The following GPC6 variants were observed in gnomAD, a reference collection of about 807,000 sequenced individuals.
GPC6 encodes the protein glypican-6.
A neutral mutation model predicts 55.2 loss-of-function variants in GPC6; 14 were observed. The ratio of observed to expected loss-of-function variants is 0.25; its 90% CI spans 0.17 to 0.40. The LOEUF (loss-of-function observed/expected upper bound fraction) is 0.40. Among genes scored for constraint, GPC6 ranks in the 10% least tolerant of loss-of-function variants. GPC6 has a pLI of 1.00. For synonymous variants in GPC6, 278 were observed against 259.6 expected, an observed-to-expected ratio of 1.07 and a Z score of -0.68; for missense variants, 641 against 708.5, an observed-to-expected ratio of 0.90 and a Z score of 1.08.
At chr13:93,936,574 T>C (rs2140359059) in intron 3 of GPC6, among the ~76,000 whole-genome samples, 1 of 152,300 alleles carries the variant, frequency 6.6e-6, no homozygotes, top group East Asian at 1.9e-4. Context: ...AGCAGTTTTA[T>C]GAAATTTTAA....
chr13:93,443,855 GT>G (rs1278766770), intron 1 of GPC6, among the ~76,000 whole-genome samples: 2 of 146,616 alleles, frequency 1.4e-5, no homozygotes, highest in African/African-American at 5.0e-5. Context: ...TATCTGTGAT[GT>G]TTGATCAAGG....
intron 1 of GPC6, among the ~76,000 whole-genome samples, chr13:93,505,712 G>T (rs1880687856): frequency 6.6e-6 from 1 of 152,116 alleles, no homozygotes; most frequent in Non-Finnish European, 1.5e-5. Context: ...ACCATGAAAG[G>T]GGCACTTGTT....
At chr13:94,348,251 A>G (rs143315924) in intron 6 of GPC6, among the ~76,000 whole-genome samples, 335 of 152,324 alleles carry the variant, frequency 2.2e-3, no homozygotes, top group Non-Finnish European at 4.1e-3. Flanking sequence ...GTCACAGTAT[A>G]TGGCATTGAC....
intron 1 of GPC6, among the ~76,000 whole-genome samples, chr13:93,287,091 C>T (rs901793954): frequency 3.9e-5 from 6 of 152,034 alleles, no homozygotes; most frequent in Admixed American, 2.6e-4. Flanking sequence ...CATGTTTAAA[C>T]TTGGGTCTGA....
intron 4 of GPC6, among the ~76,000 whole-genome samples, chr13:94,067,577 T>TA (rs1566360462): frequency 3.8e-5 from 5 of 130,324 alleles, no homozygotes; most frequent in African/African-American, 1.5e-4. Flanking sequence ...GATAGATAGA[T>TA]TATAGATAGA....
intron 8 of GPC6, among the ~76,000 whole-genome samples, chr13:94,399,911 A>T (rs986533697): frequency 6.6e-6 from 1 of 152,134 alleles, no homozygotes; most frequent in Non-Finnish European, 1.5e-5. Flanking sequence ...CTCTCATTTT[A>T]TCCATTGTCT....
intron 4 of GPC6, among the ~76,000 whole-genome samples, chr13:94,185,259 A>G (rs914168290): frequency 3.3e-4 from 44 of 134,934 alleles, no homozygotes; most frequent in Admixed American, 9.0e-4. Context: ...ATAAAAGTTG[A>G]AAAAAAAAAA....
chr13:93,309,838 T>A (rs576873740), intron 1 of GPC6, among the ~76,000 whole-genome samples: 2 of 152,344 alleles, frequency 1.3e-5, no homozygotes, highest in South Asian at 4.1e-4. Context: ...TAAATTCCAA[T>A]GTAAATCAGT....
At chr13:93,612,091 G>A (rs1192982165) in intron 2 of GPC6, among the ~76,000 whole-genome samples, 1 of 152,204 alleles carries the variant, frequency 6.6e-6, no homozygotes, top group African/African-American at 2.4e-5. Flanking sequence ...CACGTTTATT[G>A]TAATTACATG....
intron 4 of GPC6, among the ~76,000 whole-genome samples, chr13:94,045,077 A>G (rs1283891168): frequency 1.3e-5 from 2 of 151,866 alleles, no homozygotes; most frequent in Admixed American, 6.6e-5. Flanking sequence ...ATTTTTTAAT[A>G]TTAGGGAAAC....
intron 4 of GPC6, among the ~76,000 whole-genome samples, chr13:94,278,864 C>G (rs769339513): frequency 1.3e-5 from 2 of 152,060 alleles, no homozygotes; most frequent in African/African-American, 4.8e-5. Context: ...ATTTTCACAT[C>G]GATGTTCATC....
chr13:93,281,781 A>T (rs1877959870), intron 1 of GPC6, among the ~76,000 whole-genome samples: 1 of 152,128 alleles, frequency 6.6e-6, no homozygotes, highest in African/African-American at 2.4e-5. Flanking sequence ...ATGCCAGTGT[A>T]CTCCAGCGTG....
intron 1 of GPC6, among the ~76,000 whole-genome samples, chr13:93,354,120 G>T (rs1177505081): frequency 6.6e-6 from 1 of 152,106 alleles, no homozygotes; most frequent in Non-Finnish European, 1.5e-5. Flanking sequence ...TCTGAAGCAC[G>T]TTTGCTTTGA....
At chr13:94,298,210 G>A (rs529719453) in intron 5 of GPC6, among the ~76,000 whole-genome samples, 3 of 152,092 alleles carry the variant, frequency 2.0e-5, no homozygotes, top group Admixed American at 2.0e-4. Flanking sequence ...AATTTCTAAG[G>A]TGCCAGTTAT....
At position 93,715,596 on chromosome 13, in the gene GPC6, T is replaced by C. The variant is rs373214953; in HGVS notation, c.320-114558T>C. On this transcript the variant is annotated intron_variant, in intron 2 of 8. Transcript: ENST00000377047. ...ACAGTATAACCAGGTAACAAACTTA[T>C]ACATATATCCTCTGAATCTAAAATA... 1.5e-4 allele frequency among the ~76,000 whole-genome samples: 22 copies of C among 151,696 alleles called. 1 individual carries two copies. The East Asian group carries it at 2.5e-3, about 18-fold the overall frequency.
intron 1 of GPC6, among the ~76,000 whole-genome samples, chr13:93,232,343 TTTG>T (rs1331080410): frequency 1.3e-5 from 2 of 152,152 alleles, no homozygotes; most frequent in Non-Finnish European, 2.9e-5. Flanking sequence ...AACTTCAATT[TTTG>T]TTTTTGTAAT....
intron 6 of GPC6, among the ~76,000 whole-genome samples, chr13:94,329,026 C>A (rs966214527): frequency 1.4e-4 from 21 of 152,116 alleles, no homozygotes; most frequent in African/African-American, 5.1e-4. Flanking sequence ...TGAGGAAGAA[C>A]CCCGGGGGGG....
intron 2 of GPC6, among the ~76,000 whole-genome samples, chr13:93,702,936 G>A (rs182217653): frequency 6.6e-6 from 1 of 152,012 alleles, no homozygotes; most frequent in Non-Finnish European, 1.5e-5. Flanking sequence ...CAGCAATAAG[G>A]CTGTTTCACT....
Position 93,496,523 on chromosome 13 carries a change from A to G in GPC6, c.161-48740A>G, listed in dbSNP as rs1594213570. Among the ~76,000 whole-genome samples, 3 of 152,320 alleles carry G rather than the reference A, an allele frequency of 2.0e-5. No homozygotes were observed. The South Asian group carries it at 6.2e-4, about 32-fold the overall frequency. ...AGACCGGAGCTGTTCCTATTCGGCC[A>G]TCTTGGCTCCTCCCACTATTATTAT... On this transcript the variant is annotated intron_variant, in intron 1 of 8. Transcript: ENST00000377047.
Sources: allele counts gnomAD v4.1 joint callset (sites outside exome capture counted in the v4.1 genomes callset), GRCh38; gene constraint gnomAD v4.1.1; transcripts MANE v1.5; gene names NCBI Gene and HGNC (gene_info 2026-07-23, HGNC 2026-07-21).